Variants in COL24A1 observed in about 807,000 individuals in gnomAD.
COL24A1 encodes the protein collagen alpha-1(XXIV) chain.
A neutral mutation model predicts 253.9 loss-of-function variants in COL24A1; 224 were observed. That is an observed-to-expected ratio of 0.88 (90% CI 0.79 to 0.99). COL24A1 has a LOEUF of 0.99. COL24A1 is among the 50% of genes least tolerant of loss of function. COL24A1 has a pLI of 0.00. For synonymous variants in COL24A1, 685 were observed against 673.7 expected, an observed-to-expected ratio of 1.02 and a Z score of -0.26; for missense variants, 2,131 against 2,068.5, an observed-to-expected ratio of 1.03 and a Z score of -0.59.
chr1:85,834,387 G>C (rs569800205), intron 43 of COL24A1, among the ~76,000 whole-genome samples: 1 of 152,076 alleles, frequency 6.6e-6, no homozygotes, highest in Non-Finnish European at 1.5e-5. Flanking sequence ...CATCTGAATG[G>C]CTGGTGATAC....
At chr1:85,881,499 C>A (rs751397193) in intron 32 of COL24A1, among the ~76,000 whole-genome samples, 1 of 151,912 alleles carries the variant, frequency 6.6e-6, no homozygotes, top group African/African-American at 2.4e-5. Context: ...GTGGTACGCA[C>A]CTGTAATCCC....
intron 24 of COL24A1, among the ~76,000 whole-genome samples, chr1:85,921,058 C>T (rs1686408235): frequency 2.0e-5 from 3 of 152,262 alleles, no homozygotes; most frequent in South Asian, 2.1e-4. Flanking sequence ...AACTGAGGTA[C>T]CTGGCTCATC....
chr1:85,948,676 C>CA (rs921443942), intron 24 of COL24A1, among the ~76,000 whole-genome samples: 5 of 151,218 alleles, frequency 3.3e-5, no homozygotes, highest in African/African-American at 7.3e-5. Context: ...ACCAAGGAGT[C>CA]AAAAAACTAT....
intron 2 of COL24A1, among the ~76,000 whole-genome samples, chr1:86,132,891 A>C (rs9661636): frequency 0.14 from 20,614 of 151,680 alleles, 1,575 homozygotes; most frequent in East Asian, 0.3. Context: ...AGTTTTTTCC[A>C]GTTCTGTGAA....
At chr1:85,852,521 G>A (rs571275591) in intron 37 of COL24A1, among the ~76,000 whole-genome samples, 151 of 151,964 alleles carry the variant, frequency 9.9e-4, no homozygotes, top group East Asian at 3.9e-3. Context: ...AATCCCATTG[G>A]GATTTTGGTT....
At chr1:85,890,859 C>T (rs1258028347) in intron 31 of COL24A1, among the ~76,000 whole-genome samples, 2 of 152,068 alleles carry the variant, frequency 1.3e-5, no homozygotes, top group Non-Finnish European at 2.9e-5. Context: ...CCTGTAACTT[C>T]CTTTTTTCCC....
intron 2 of COL24A1, among the ~76,000 whole-genome samples, chr1:86,133,753 A>G (rs991636013): frequency 7.9e-5 from 12 of 152,258 alleles, no homozygotes; most frequent in Admixed American, 7.2e-4. Flanking sequence ...TCGTTTTGCC[A>G]GTATTTTATT....
intron 20 of COL24A1, among the ~76,000 whole-genome samples, chr1:85,980,726 G>A (rs1183765647): frequency 1.3e-5 from 2 of 152,116 alleles, no homozygotes; most frequent in Non-Finnish European, 2.9e-5. Flanking sequence ...GGCTAACAAG[G>A]TGAAACCCCG....
At chr1:85,830,510 C>T (rs944073509) in intron 43 of COL24A1, among the ~76,000 whole-genome samples, 1 of 152,158 alleles carries the variant, frequency 6.6e-6, no homozygotes, top group Admixed American at 6.6e-5. Context: ...GGCGGGTGCC[C>T]CTCCCCCAGC....
In COL24A1 at chr1:85,905,592, A is replaced by G. The variant is rs564272392; in HGVS notation, c.2778+1602T>C. On this transcript the variant is annotated intron_variant, in intron 28 of 59. Transcript: ENST00000370571. ...ATCTTCCTTGTCTGGATACTGGGTA[A>G]AAATTTTAAAAATGATGAGGAGCCA... Among the ~76,000 whole-genome samples the G allele has an allele frequency of 4.6e-5, 7 of 152,146 alleles. No homozygotes were observed. The South Asian group carries it at 1.0e-3, about 23-fold the overall frequency.
At chr1:85,834,111 TATA>T (rs925279070) in intron 43 of COL24A1, among the ~76,000 whole-genome samples, 3 of 151,338 alleles carry the variant, frequency 2.0e-5, no homozygotes, top group Non-Finnish European at 2.9e-5. Flanking sequence ...AAACTTAAAG[TATA>T]ATAATAATAA....
intron 1 of COL24A1, among the ~76,000 whole-genome samples, chr1:86,151,794 T>C (rs1423954961): frequency 1.3e-5 from 2 of 152,210 alleles, no homozygotes; most frequent in Admixed American, 6.5e-5. Context: ...GTCTTCAGGC[T>C]ACTGATGCTC....
chr1:86,050,995 G>A (rs1464587591), intron 10 of COL24A1, among the ~76,000 whole-genome samples: 2 of 152,034 alleles, frequency 1.3e-5, no homozygotes, highest in African/African-American at 4.8e-5. Flanking sequence ...TTAGACAAAT[G>A]GAAGCTACTG....
chr1:85,775,695 T>C lies in COL24A1; in HGVS notation c.4353A>G (p.Glu1451=), dbSNP rs1457836067. 4 of 1,607,970 alleles carry C rather than the reference T, an allele frequency of 2.5e-6. No individual in the cohort carries two copies. The Admixed American group carries it at 5.1e-5, about 20-fold the overall frequency. Residue 1451 remains glutamate, a synonymous_variant, in exon 53 of 60, where the codon GAA becomes GAG. Transcript: ENST00000370571. The part of the protein sequence containing the change: ...GPTGRTGPRG[E]KGFRGETGPQ... ...TTACAGTTTCACCTCTAAAGCCCTT[T>C]TCACCTCTGGGTCCCTAAAAGAAAA... is the stretch of plus-strand genomic sequence containing the variant.
intron 24 of COL24A1, among the ~76,000 whole-genome samples, chr1:85,916,478 C>T (rs201404696): frequency 1.3e-5 from 2 of 152,062 alleles, no homozygotes; most frequent in East Asian, 3.8e-4. Context: ...TTCCTTGCAG[C>T]CTAGGCAACA....
intron 24 of COL24A1, among the ~76,000 whole-genome samples, chr1:85,948,250 C>T (rs1013565237): frequency 6.6e-6 from 1 of 152,066 alleles, no homozygotes; most frequent in Non-Finnish European, 1.5e-5. Flanking sequence ...TTAGGCCGGG[C>T]GCGGTGGCTC....
chr1:85,747,292 T>A (rs1665339825), intron 55 of COL24A1, among the ~76,000 whole-genome samples: 1 of 151,660 alleles, frequency 6.6e-6, no homozygotes, highest in South Asian at 2.1e-4. Context: ...TTTTGTATTT[T>A]TGGTAGAGAT....
chr1:85,791,277 A>C (rs763522410), intron 47 of COL24A1, among the ~76,000 whole-genome samples: 26 of 152,152 alleles, frequency 1.7e-4, no homozygotes, highest in Non-Finnish European at 2.6e-4. Flanking sequence ...GAAGGAGTCA[A>C]TGCTGAGATG....
intron 24 of COL24A1, among the ~76,000 whole-genome samples, chr1:85,950,438 A>G (rs1689776897): frequency 6.6e-6 from 1 of 152,186 alleles, no homozygotes; most frequent in African/African-American, 2.4e-5. Flanking sequence ...TGGTAACTGG[A>G]GAGTGTGGTA....
Sources: gnomAD v4.1 joint callset for allele counts (sites outside exome capture counted in the v4.1 genomes callset) on GRCh38, gnomAD v4.1.1 for gene constraint, MANE v1.5 for transcripts, NCBI Gene and HGNC (gene_info 2026-07-23, HGNC 2026-07-21) for gene names.